Variants in POF1B observed in about 807,000 individuals in gnomAD.
The protein encoded by POF1B is protein POF1B.
POF1B carries 53 observed loss-of-function variants against 55.3 expected under a neutral mutation model. The ratio of observed to expected loss-of-function variants is 0.96; its 90% CI spans 0.77 to 1.20. The LOEUF is 1.20. Among genes scored for constraint, POF1B ranks in the 50% most tolerant of loss-of-function variants. The pLI, the probability that POF1B is intolerant of heterozygous loss-of-function variation, is 0.00. For synonymous variants in POF1B, 188 were observed against 148.3 expected (o/e 1.27, Z -1.95); for missense variants, 478 against 420.5 (o/e 1.14, Z -1.20).
intron 3 of POF1B, among the ~76,000 whole-genome samples, chrX:85,363,175 T>C (rs1230233907): frequency 1.8e-5 from 2 of 111,642 alleles, no homozygotes; most frequent in Admixed American, 9.5e-5. Context: ...ATATCTGCCT[T>C]ATTAATTTTT....
intron 15 of POF1B, among the ~76,000 whole-genome samples, chrX:85,300,797 T>C (rs937020277): frequency 9.0e-6 from 1 of 111,618 alleles, no homozygotes; most frequent in Non-Finnish European, 1.9e-5. Flanking sequence ...AAGGAAAGGA[T>C]GAGAGTTGTG....
chrX:85,364,129 A>G (rs73513695), intron 3 of POF1B, among the ~76,000 whole-genome samples: 5,633 of 110,035 alleles, frequency 0.051, 313 homozygotes, highest in African/African-American at 0.16. Context: ...CTTTTAGCCT[A>G]TGGGTGTCAT....
intron 15 of POF1B, among the ~76,000 whole-genome samples, chrX:85,283,258 T>C (rs2147888368): frequency 9.0e-6 from 1 of 110,589 alleles, no homozygotes; most frequent in African/African-American, 3.3e-5. Context: ...GAAATATAAA[T>C]TAGTAGAAAC....
chrX:85,296,425 A>G (rs185555369), intron 15 of POF1B, among the ~76,000 whole-genome samples: 27 of 111,992 alleles, frequency 2.4e-4, no homozygotes, highest in Admixed American at 5.7e-4. Flanking sequence ...CCTCCTGTAT[A>G]GCTGGTTTAG....
rs750515043 is a variant in POF1B, at chrX:85,343,814, A to G, written c.723+2046T>C. Among the ~76,000 whole-genome samples, 4 of 110,721 alleles carry G rather than the reference A, an allele frequency of 3.6e-5. No individual in the cohort carries two copies. The South Asian group carries it at 1.5e-3, about 42-fold the overall frequency. On this transcript the variant is annotated intron_variant, in intron 6 of 16. Transcript: ENST00000262753. ...AACCAAGTGCTTTCTTTATGTTTAT[A>G]CTATTGCTCAAGGACTCTCCACATA...
rs371291321 is a variant in POF1B, at chrX:85,360,358, T to C, written c.358-728A>G. 5.7e-5 allele frequency among the ~76,000 whole-genome samples: 6 copies of C among 105,099 alleles called. No homozygotes were observed. In the East Asian group the frequency reaches 1.2e-3, roughly 21 times the overall value. The allele number at this position is 105,099 out of a possible 115,157, so 91.3% of individuals were successfully genotyped here. On this transcript the variant is annotated intron_variant, in intron 3 of 16. Coordinates refer to ENST00000262753, the MANE Select transcript of POF1B (RefSeq NM_024921.4). ...CCAGTGTGTATTGTTCCCCTTTTTGTGTCCATGATTTCTCATTATTTAGCT... is the reference window on the plus strand; with the variant it reads ...CCAGTGTGTATTGTTCCCCTTTTTGCGTCCATGATTTCTCATTATTTAGCT...
chrX:85,352,509 A>G (rs776646333), intron 4 of POF1B, among the ~76,000 whole-genome samples: 1 of 111,667 alleles, frequency 9.0e-6, no homozygotes, highest in African/African-American at 3.2e-5. Context: ...TTATATACTT[A>G]TTGTATTCAA....
In POF1B at chrX:85,303,619, G is replaced by A. The variant is rs370652441; in HGVS notation, c.1567-131C>T. The A allele has an allele frequency of 3.8e-4, 169 of 443,962 alleles. 1 individual carries two copies. Among genetic ancestry groups the A allele is most frequent in the African/African-American group, 2.6e-3 (105 of 39,833 alleles). 36.6% of individuals were successfully genotyped at this position (443,962 alleles called of 1,213,427 possible). A position where few individuals can be genotyped will look rare whatever the true frequency, so the allele number is the denominator to read the frequency against. ...CCTTTTACCCCTTTTTAGCCTTGAC[G>A]TAATAATGTTCTAATCCCACTTGTT... is the stretch of plus-strand genomic sequence containing the variant. On this transcript the variant is annotated intron_variant, in intron 14 of 16. Transcript: ENST00000262753.
chrX:85,337,910 G>A (rs1211553155), intron 6 of POF1B, among the ~76,000 whole-genome samples: 1 of 111,200 alleles, frequency 9.0e-6, no homozygotes, highest in African/African-American at 3.3e-5. Flanking sequence ...TAAATGGGGG[G>A]GAAGTGCTCA....
chrX:85,333,183 C>A (rs180772245), intron 6 of POF1B, among the ~76,000 whole-genome samples: 3 of 110,655 alleles, frequency 2.7e-5, no homozygotes, highest in East Asian at 5.7e-4. Context: ...ACATTGTTTT[C>A]TGCTTAAATA....
At position 85,354,728 on chromosome X, in the gene POF1B, T is replaced by A. The variant is rs189267796; in HGVS notation, c.439-3277A>T. Reference sequence around the variant, plus strand: ...CACAATTGCTTCAAAGAGAATAAAATACCTAGGAATCCAACTTACAAGGGA... The same window carrying A: ...CACAATTGCTTCAAAGAGAATAAAAAACCTAGGAATCCAACTTACAAGGGA... On this transcript the variant is annotated intron_variant, in intron 4 of 16. Coordinates refer to ENST00000262753, the MANE Select transcript of POF1B (RefSeq NM_024921.4). Among the ~76,000 whole-genome samples, 558 of 110,378 alleles carry A rather than the reference T, an allele frequency of 5.1e-3. 4 individuals are homozygous for A. Among genetic ancestry groups the A allele is most frequent in the African/African-American group, 0.017 (523 of 30,370 alleles).
intron 16 of POF1B, among the ~76,000 whole-genome samples, chrX:85,281,257 T>C (rs549690719): frequency 1.4e-4 from 15 of 109,919 alleles, no homozygotes; most frequent in Non-Finnish European, 1.1e-4. Context: ...GAATTAGTTA[T>C]TGTAAGCTAG....
intron 15 of POF1B, among the ~76,000 whole-genome samples, chrX:85,292,051 A>G (rs1177724663): frequency 1.8e-5 from 2 of 111,381 alleles, no homozygotes; most frequent in Non-Finnish European, 3.8e-5. Context: ...TTGCCCATTC[A>G]GTATGATGTT....
chrX:85,323,357 G>A (rs1251697899), intron 7 of POF1B, among the ~76,000 whole-genome samples: 2 of 105,807 alleles, frequency 1.9e-5, no homozygotes, highest in East Asian at 3.0e-4. Flanking sequence ...AAAAAACCAA[G>A]CACCGCATGT....
intron 15 of POF1B, among the ~76,000 whole-genome samples, chrX:85,303,151 G>A (rs1012696485): frequency 2.7e-5 from 3 of 111,269 alleles, no homozygotes; most frequent in African/African-American, 6.5e-5. Flanking sequence ...TAACTAATGT[G>A]GTTGGTTAAA....
At chrX:85,315,500 AT>A (rs773204186) in intron 8 of POF1B, among the ~76,000 whole-genome samples, 24 of 110,982 alleles carry the variant, frequency 2.2e-4, no homozygotes, top group Non-Finnish European at 1.9e-4. Context: ...GCTGATAACA[AT>A]TTTTTTGTGA....
chrX:85,310,198 A>T (rs2147908225), intron 9 of POF1B, among the ~76,000 whole-genome samples: 1 of 112,202 alleles, frequency 8.9e-6, no homozygotes, highest in African/African-American at 3.2e-5. Flanking sequence ...ATCTCAACCA[A>T]TAAGAAAAAA....
chrX:85,337,217 T>G (rs1267819997), intron 6 of POF1B, among the ~76,000 whole-genome samples: 2 of 111,613 alleles, frequency 1.8e-5, no homozygotes, highest in African/African-American at 6.5e-5. Context: ...CAGTATAATT[T>G]GAAGTCAGTT....
chrX:85,364,402 T>C (rs1369747347), intron 3 of POF1B, among the ~76,000 whole-genome samples: 3 of 112,151 alleles, frequency 2.7e-5, no homozygotes, highest in Non-Finnish European at 3.8e-5. Flanking sequence ...TTACTTTCCA[T>C]GTTTAGTGCT....
Sources: allele counts gnomAD v4.1 joint callset (sites outside exome capture counted in the v4.1 genomes callset), GRCh38; gene constraint gnomAD v4.1.1; transcripts MANE v1.5; gene names NCBI Gene and HGNC (gene_info 2026-07-23, HGNC 2026-07-21).